The following TBC1D14 variants were observed in gnomAD, a reference collection of about 807,000 sequenced individuals.
The protein encoded by TBC1D14 is TBC1 domain family, member 14.
In TBC1D14, 26 loss-of-function variants were observed where a neutral mutation model predicts 79.0. That is an observed-to-expected ratio of 0.33 (90% CI 0.24 to 0.46). The LOEUF (loss-of-function observed/expected upper bound fraction) is 0.46. Among genes scored for constraint, TBC1D14 ranks in the 20% least tolerant of loss-of-function variants. TBC1D14 has a pLI of 1.00. For missense variants in TBC1D14, 769 were observed against 887.6 expected, an observed-to-expected ratio of 0.87 and a Z score of 1.70; for synonymous variants, 394 against 349.9, an observed-to-expected ratio of 1.13 and a Z score of -1.40.
chr4:6,937,857 C>T (rs1334861366), intron 2 of TBC1D14, among the ~76,000 whole-genome samples: 4 of 151,968 alleles, frequency 2.6e-5, no homozygotes, highest in East Asian at 1.9e-4. Context: ...GGGTCGTCAC[C>T]GTGTGGGCGG....
At chr4:6,929,359 A>G (rs1303564642) in intron 2 of TBC1D14, among the ~76,000 whole-genome samples, 2 of 152,226 alleles carry the variant, frequency 1.3e-5, no homozygotes, top group African/African-American at 4.8e-5. Flanking sequence ...AGGTGGGCAG[A>G]CTAGTGCTGG....
intron 2 of TBC1D14, among the ~76,000 whole-genome samples, chr4:6,934,695 G>A (rs1712138619): frequency 6.6e-6 from 1 of 152,024 alleles, no homozygotes; most frequent in Non-Finnish European, 1.5e-5. Context: ...AGAATTGACT[G>A]TTTAGCAATG....
At chr4:6,986,884 A>C (rs1327125869) in intron 3 of TBC1D14, among the ~76,000 whole-genome samples, 1 of 152,214 alleles carries the variant, frequency 6.6e-6, no homozygotes, top group Non-Finnish European at 1.5e-5. Context: ...AACAGGAGCC[A>C]CGGTAGCCCG....
intron 6 of TBC1D14, 71 bp from the exon 7 acceptor site, chr4:7,001,074 G>C: frequency 7.4e-7 from 1 of 1,347,546 alleles, no homozygotes; most frequent in Admixed American, 1.8e-5. Context: ...GGTGGTTCGG[G>C]GCTAGGCACG....
At chr4:6,915,911 T>C (rs1359221306) in intron 1 of TBC1D14, among the ~76,000 whole-genome samples, 1 of 151,228 alleles carries the variant, frequency 6.6e-6, no homozygotes, top group Non-Finnish European at 1.5e-5. Context: ...GGTCAGGGGT[T>C]CAAAACCAGT....
At chr4:7,001,123 T>G in intron 6 of TBC1D14, 22 bp from the exon 7 acceptor site, 1 of 1,607,582 alleles carries the variant, frequency 6.2e-7, no homozygotes. Flanking sequence ...AAACTCAAAC[T>G]CCTGCTTCTG....
chr4:6,928,858 A>T (rs10937765), intron 2 of TBC1D14, among the ~76,000 whole-genome samples: 1 of 152,150 alleles, frequency 6.6e-6, no homozygotes, highest in Non-Finnish European at 1.5e-5. Flanking sequence ...AATGGGGAGG[A>T]AATGTACATA....
intron 1 of TBC1D14, among the ~76,000 whole-genome samples, chr4:6,911,579 C>T (rs1326529731): frequency 6.6e-6 from 1 of 152,242 alleles, no homozygotes; most frequent in Non-Finnish European, 1.5e-5. Context: ...CCCCTGTGTT[C>T]CTTTAGCCCC....
At chr4:6,961,243 A>G (rs1428621966) in intron 2 of TBC1D14, among the ~76,000 whole-genome samples, 2 of 152,074 alleles carry the variant, frequency 1.3e-5, no homozygotes, top group African/African-American at 4.8e-5. Context: ...GTGTGGCCTG[A>G]TCCCTGACGG....
At chr4:6,939,348 T>G (rs2108969533) in intron 2 of TBC1D14, among the ~76,000 whole-genome samples, 1 of 140,668 alleles carries the variant, frequency 7.1e-6, no homozygotes, top group Admixed American at 7.0e-5. Flanking sequence ...AATGGCCCCC[T>G]TTGCTGTGTG....
chr4:6,997,583 G>A (rs1162741417), intron 5 of TBC1D14, among the ~76,000 whole-genome samples: 2 of 152,068 alleles, frequency 1.3e-5, no homozygotes, highest in Non-Finnish European at 2.9e-5. Flanking sequence ...CCGAGATCGT[G>A]CCACTGCACT....
chr4:6,922,267 G>A (rs1019699021), intron 1 of TBC1D14, among the ~76,000 whole-genome samples: 1 of 152,060 alleles, frequency 6.6e-6, no homozygotes, highest in African/African-American at 2.4e-5. Context: ...CGTTGCCCAC[G>A]CCGCACTGAC....
rs895139131 is a variant in TBC1D14 at position 7,001,671 on chromosome 4, A to G, written c.1270+420A>G. Among the ~76,000 whole-genome samples, 5 of 152,072 alleles carry G rather than the reference A, an allele frequency of 3.3e-5. No homozygotes were observed. In the East Asian group the frequency reaches 9.6e-4, roughly 29 times the overall value. On this transcript the variant is annotated intron_variant, in intron 7 of 13. Coordinates refer to ENST00000409757, the MANE Select transcript of TBC1D14 (RefSeq NM_020773.3). ...CAGGCAGCCTTGGAGGAGACAACAT[A>G]CTGTGCTGGGACTGCGGTCCTTGGG...
chr4:6,945,125 G>C (rs576251439), intron 2 of TBC1D14, among the ~76,000 whole-genome samples: 16 of 152,180 alleles, frequency 1.1e-4, no homozygotes, highest in Non-Finnish European at 2.1e-4. Flanking sequence ...ATGGGCAGGG[G>C]CTACATTGTG....
chr4:6,963,109 GA>G (rs1715378704), intron 2 of TBC1D14, among the ~76,000 whole-genome samples: 1 of 152,278 alleles, frequency 6.6e-6, no homozygotes, highest in Non-Finnish European at 1.5e-5. Context: ...AGAAGCAGGG[GA>G]GCCCAGGCCC....
intron 12 of TBC1D14, among the ~76,000 whole-genome samples, chr4:7,019,773 T>A (rs12648255): frequency 1.9e-5 from 1 of 53,682 alleles, no homozygotes; most frequent in Non-Finnish European, 3.6e-5. Context: ...CAGGGAGGAC[T>A]CTGGGGCACA....
chr4:6,931,414 C>T (rs1029340387), intron 2 of TBC1D14, among the ~76,000 whole-genome samples: 8 of 152,122 alleles, frequency 5.3e-5, no homozygotes, highest in East Asian at 1.9e-4. Context: ...TGACCCGAGA[C>T]GTTTCTTTAA....
At chr4:6,999,831 T>G (rs1285946842) in intron 6 of TBC1D14, among the ~76,000 whole-genome samples, 1 of 152,172 alleles carries the variant, frequency 6.6e-6, no homozygotes, top group East Asian at 1.9e-4. Context: ...TTGAGGATAG[T>G]GACCCCAGTG....
At chr4:6,912,817 A>T (rs1033705938) in intron 1 of TBC1D14, among the ~76,000 whole-genome samples, 1 of 152,160 alleles carries the variant, frequency 6.6e-6, no homozygotes, top group Admixed American at 6.5e-5. Flanking sequence ...AGGGTCTCTT[A>T]CTGTCTTCAT....
Sources: gnomAD v4.1 joint callset for allele counts (sites outside exome capture counted in the v4.1 genomes callset) on GRCh38, gnomAD v4.1.1 for gene constraint, MANE v1.5 for transcripts, NCBI Gene and HGNC (gene_info 2026-07-23, HGNC 2026-07-21) for gene names.